Variants in MAF observed in about 807,000 individuals in gnomAD.
MAF encodes MAF bZIP transcription factor, also known as transcription factor Maf.
MAF carries 10 observed loss-of-function variants against 22.0 expected under a neutral mutation model. That is an observed-to-expected ratio of 0.45 (90% CI 0.28 to 0.77). The LOEUF is 0.77. Among genes scored for constraint, MAF ranks in the 30% least tolerant of loss-of-function variants. The probability of loss-of-function intolerance (pLI) is 0.12; values close to 1 mark genes in which losing one functional copy is unlikely to be tolerated. For missense variants in MAF, 544 were observed against 548.4 expected (o/e 0.99, Z 0.08); for synonymous variants, 337 against 255.8 (o/e 1.32, Z -3.03).
At chr16:79,481,960 G>T in the MAF span, among the ~76,000 whole-genome samples, 1 of 152,174 alleles carries the variant, frequency 6.6e-6, no homozygotes, top group Non-Finnish European at 1.5e-5. Flanking sequence ...ACACAAGACT[G>T]GAGGTCACCC....
At chr16:79,248,448 A>C in the MAF span, among the ~76,000 whole-genome samples, 1 of 152,170 alleles carries the variant, frequency 6.6e-6, no homozygotes, top group Non-Finnish European at 1.5e-5. Context: ...GATGTTCCAG[A>C]TTCTTCTATA....
the MAF span, among the ~76,000 whole-genome samples, chr16:79,463,418 A>G: frequency 7.7e-3 from 1,177 of 152,334 alleles, 9 homozygotes; most frequent in Non-Finnish European, 0.012. Context: ...CTGTTTTAAG[A>G]TAGCATAAAC....
At chr16:79,554,978 T>TG in the MAF span, among the ~76,000 whole-genome samples, 1 of 152,054 alleles carries the variant, frequency 6.6e-6, no homozygotes, top group Non-Finnish European at 1.5e-5. Context: ...AGCCCAGAAA[T>TG]GTGAGTGAGT....
the MAF span, among the ~76,000 whole-genome samples, chr16:79,494,790 T>C: frequency 6.6e-6 from 1 of 152,164 alleles, no homozygotes. Flanking sequence ...ACTGGTCCCA[T>C]TTCAGACATC....
chr16:79,278,775 G>T, the MAF span, among the ~76,000 whole-genome samples: 1 of 152,148 alleles, frequency 6.6e-6, no homozygotes, highest in Non-Finnish European at 1.5e-5. Context: ...CTGACAGGGG[G>T]ACAGGAGATG....
At chr16:79,503,527 T>C in the MAF span, among the ~76,000 whole-genome samples, 14 of 152,248 alleles carry the variant, frequency 9.2e-5, no homozygotes, top group Admixed American at 4.6e-4. Context: ...ATCTCCCTAC[T>C]GGACAGAAAT....
At chr16:79,320,696 A>C in the MAF span, among the ~76,000 whole-genome samples, 1 of 152,340 alleles carries the variant, frequency 6.6e-6, no homozygotes, top group Middle Eastern at 3.4e-3. Context: ...TGGGACTTTT[A>C]ACACTTATCC....
At chr16:79,569,665 C>A in the MAF span, among the ~76,000 whole-genome samples, 1 of 152,192 alleles carries the variant, frequency 6.6e-6, no homozygotes, top group East Asian at 1.9e-4. Flanking sequence ...TTAGCCTTAG[C>A]TACACAGTAC....
the MAF span, among the ~76,000 whole-genome samples, chr16:79,448,546 C>T: frequency 6.6e-6 from 1 of 152,060 alleles, no homozygotes; most frequent in African/African-American, 2.4e-5. Flanking sequence ...CTGTCTCAGC[C>T]TCCCGAGGAG....
At chr16:79,332,648 G>C in the MAF span, among the ~76,000 whole-genome samples, 1 of 152,308 alleles carries the variant, frequency 6.6e-6, no homozygotes, top group South Asian at 2.1e-4. Context: ...CTACATGCCA[G>C]ACAATGTGTA....
the MAF span, among the ~76,000 whole-genome samples, chr16:79,372,633 G>A: frequency 2.6e-5 from 4 of 152,188 alleles, no homozygotes; most frequent in Non-Finnish European, 5.9e-5. Flanking sequence ...GCTGCGGTCT[G>A]GCGGGTGAGC....
the MAF span, among the ~76,000 whole-genome samples, chr16:79,376,613 GT>G: frequency 1.3e-5 from 2 of 152,100 alleles, no homozygotes; most frequent in East Asian, 3.9e-4. Context: ...TGCCATGTTG[GT>G]TTGCTGCACC....
At chr16:79,479,334 C>G in the MAF span, among the ~76,000 whole-genome samples, 4 of 152,358 alleles carry the variant, frequency 2.6e-5, no homozygotes, top group South Asian at 8.3e-4. Context: ...AGTGTACCAT[C>G]CCCATGTAGG....
At chr16:79,438,985 T>C in the MAF span, among the ~76,000 whole-genome samples, 8 of 152,164 alleles carry the variant, frequency 5.3e-5, no homozygotes, top group Non-Finnish European at 1.0e-4. Context: ...GAAAGAGCCA[T>C]AATCAAGCTT....
the MAF span, among the ~76,000 whole-genome samples, chr16:79,493,990 G>A: frequency 2.0e-5 from 3 of 151,250 alleles, no homozygotes; most frequent in Non-Finnish European, 4.4e-5. Flanking sequence ...AAAAACCCAC[G>A]ATTTATGATC....
At chr16:79,366,637 G>A in the MAF span, among the ~76,000 whole-genome samples, 4 of 152,246 alleles carry the variant, frequency 2.6e-5, no homozygotes, top group African/African-American at 9.6e-5. Context: ...TCTGGTGGAA[G>A]TTTTGAGAGT....
the MAF span, among the ~76,000 whole-genome samples, chr16:79,517,641 C>G: frequency 7.0e-6 from 1 of 142,348 alleles, no homozygotes. Context: ...ATGGCAGGAT[C>G]TTGGCTCACT....
At chr16:79,244,172 C>A in the MAF span, among the ~76,000 whole-genome samples, 1 of 152,078 alleles carries the variant, frequency 6.6e-6, no homozygotes. Context: ...AGGATGACCT[C>A]TCTCATTGCT....
chr16:79,504,613 G>A, the MAF span, among the ~76,000 whole-genome samples: 2 of 152,166 alleles, frequency 1.3e-5, no homozygotes, highest in Middle Eastern at 3.4e-3. Flanking sequence ...ATGGATAGAG[G>A]ATGGAAGATG....
Sources: gnomAD v4.1 joint callset for allele counts (sites outside exome capture counted in the v4.1 genomes callset) on GRCh38, gnomAD v4.1.1 for gene constraint, MANE v1.5 for transcripts, NCBI Gene and HGNC (gene_info 2026-07-23, HGNC 2026-07-21) for gene names.